Variants in SAMD5 observed in about 807,000 individuals in gnomAD.
SAMD5 encodes the protein sterile alpha motif domain containing 5, also known as sterile alpha motif domain-containing protein 5.
A neutral mutation model predicts 11.3 loss-of-function variants in SAMD5; 13 were observed. That is an observed-to-expected ratio of 1.15 (90% confidence interval 0.75 to 1.83). SAMD5 has a LOEUF of 1.83. Among genes scored for constraint, SAMD5 ranks in the 40% most tolerant of loss-of-function variants. The pLI, the probability that SAMD5 is intolerant of heterozygous loss-of-function variation, is 0.00. For missense variants in SAMD5, 255 were observed against 239.1 expected (o/e 1.07, Z -0.44); for synonymous variants, 129 against 111.3 (o/e 1.16, Z -1.00).
At chr6:147,878,261 A>G in the SAMD5 span, among the ~76,000 whole-genome samples, 1 of 152,096 alleles carries the variant, frequency 6.6e-6, no homozygotes, top group South Asian at 2.1e-4. Flanking sequence ...ATAGATAGCC[A>G]TATTTTCACT....
chr6:147,929,502 A>G, the SAMD5 span, among the ~76,000 whole-genome samples: 4 of 152,354 alleles, frequency 2.6e-5, no homozygotes, highest in Admixed American at 2.0e-4. Context: ...GATATAACTA[A>G]CATGCATATA....
At chr6:147,884,098 T>G in the SAMD5 span, among the ~76,000 whole-genome samples, 1 of 152,138 alleles carries the variant, frequency 6.6e-6, no homozygotes, top group African/African-American at 2.4e-5. Context: ...ATGCAGTCAT[T>G]TTTCCCCTTG....
At chr6:147,945,890 G>T in the SAMD5 span, among the ~76,000 whole-genome samples, 1 of 152,186 alleles carries the variant, frequency 6.6e-6, no homozygotes, top group Admixed American at 6.5e-5. Context: ...GCTTGTGTAT[G>T]TGAAGAAATG....
At chr6:147,789,238 C>A in the SAMD5 span, among the ~76,000 whole-genome samples, 2 of 151,536 alleles carry the variant, frequency 1.3e-5, no homozygotes, top group Non-Finnish European at 2.9e-5. Flanking sequence ...CTGCACTGAA[C>A]TGCAGCCTGG....
At chr6:147,621,150 AG>A (rs1439595636) in intron 1 of SAMD5, among the ~76,000 whole-genome samples, 1 of 152,252 alleles carries the variant, frequency 6.6e-6, no homozygotes, top group Non-Finnish European at 1.5e-5. Context: ...TGATGTAATC[AG>A]AGCCAAGCTT....
the SAMD5 span, among the ~76,000 whole-genome samples, chr6:147,801,243 A>G: frequency 6.6e-6 from 1 of 152,130 alleles, no homozygotes; most frequent in Non-Finnish European, 1.5e-5. Flanking sequence ...ATGGAATCCT[A>G]ATTTTATTAC....
Position 147,528,323 on chromosome 6 carries a change from T to A in SAMD5, c.459+18936T>A, listed in dbSNP as rs555179149. 2.1e-4 allele frequency among the ~76,000 whole-genome samples: 32 copies of A among 152,332 alleles called. 1 individual carries two copies. The highest frequency in any genetic ancestry group is 1.9e-3 in the Admixed American group (29 of 15,298). The stretch of plus-strand genomic sequence containing the variant: ...TTATTTTCTCACAGTTCTGAAGGCT[T>A]GAAGTCCAAGATCAAGTTGTGGACT... On this transcript the variant is annotated intron_variant, in intron 1 of 1. Transcript: ENST00000367474.
At chr6:147,932,546 T>C in the SAMD5 span, among the ~76,000 whole-genome samples, 2 of 151,904 alleles carry the variant, frequency 1.3e-5, no homozygotes, top group Non-Finnish European at 2.9e-5. Flanking sequence ...TCTTACCCTC[T>C]CTCCTTGAAC....
intron 1 of SAMD5, among the ~76,000 whole-genome samples, chr6:147,729,147 C>T: frequency 6.6e-6 from 1 of 152,178 alleles, no homozygotes. Flanking sequence ...TGTATGCAAA[C>T]ATTCCTTGTG....
intron 1 of SAMD5, among the ~76,000 whole-genome samples, chr6:147,709,311 C>A (rs1248872023): frequency 6.6e-6 from 1 of 152,174 alleles, no homozygotes; most frequent in Non-Finnish European, 1.5e-5. Flanking sequence ...CTACTCTGCC[C>A]TTCAGCTACT....
At chr6:147,865,868 T>G in the SAMD5 span, among the ~76,000 whole-genome samples, 2 of 152,162 alleles carry the variant, frequency 1.3e-5, no homozygotes, top group African/African-American at 4.8e-5. Flanking sequence ...GAAAATGCAT[T>G]TATGCCAATT....
At chr6:147,745,133 T>C in the SAMD5 span, among the ~76,000 whole-genome samples, 1 of 152,110 alleles carries the variant, frequency 6.6e-6, no homozygotes, top group East Asian at 1.9e-4. Context: ...ATTTTAGAGC[T>C]ATATACACAA....
chr6:147,606,311 G>T (rs1183922822), intron 1 of SAMD5, among the ~76,000 whole-genome samples: 1 of 151,988 alleles, frequency 6.6e-6, no homozygotes, highest in African/African-American at 2.4e-5. Flanking sequence ...TTTTGTTGTT[G>T]TTGGGTTGTT....
chr6:147,701,150 G>A (rs1791247912), intron 1 of SAMD5, among the ~76,000 whole-genome samples: 1 of 152,128 alleles, frequency 6.6e-6, no homozygotes, highest in Non-Finnish European at 1.5e-5. Context: ...GCCGTTATTT[G>A]AGGGGTTCTG....
the SAMD5 span, among the ~76,000 whole-genome samples, chr6:147,870,356 C>A: frequency 6.6e-6 from 1 of 152,002 alleles, no homozygotes; most frequent in African/African-American, 2.4e-5. Flanking sequence ...CTTCCATCCC[C>A]ATTCCCTGCC....
At chr6:147,583,599 G>T (rs1312521209) in intron 1 of SAMD5, among the ~76,000 whole-genome samples, 1 of 152,086 alleles carries the variant, frequency 6.6e-6, no homozygotes, top group South Asian at 2.1e-4. Context: ...AAATTACATA[G>T]ATAACTACTT....
At chr6:147,741,007 A>G (rs1791872082), downstream of SAMD5, among the ~76,000 whole-genome samples, 1 of 152,208 alleles carries the variant, frequency 6.6e-6, no homozygotes, top group African/African-American at 2.4e-5. Context: ...TTAATTTTTA[A>G]AACAAGAGAC....
At chr6:147,791,895 C>T in the SAMD5 span, among the ~76,000 whole-genome samples, 1 of 152,130 alleles carries the variant, frequency 6.6e-6, no homozygotes, top group East Asian at 1.9e-4. Flanking sequence ...GAACTATAGA[C>T]AGTAAACAGA....
At chr6:147,751,760 C>T in the SAMD5 span, among the ~76,000 whole-genome samples, 1 of 152,118 alleles carries the variant, frequency 6.6e-6, no homozygotes, top group African/African-American at 2.4e-5. Context: ...TGGTGAGACG[C>T]TAACTCTCTT....
Sources: allele counts gnomAD v4.1 joint callset (sites outside exome capture counted in the v4.1 genomes callset), GRCh38; gene constraint gnomAD v4.1.1; transcripts MANE v1.5; gene names NCBI Gene and HGNC (gene_info 2026-07-23, HGNC 2026-07-21).